CDC42SE2: variants seen among roughly 807,000 people sequenced by gnomAD.
CDC42SE2 encodes CDC42 small effector 2.
CDC42SE2 carries 3 observed loss-of-function variants against 11.5 expected under a neutral mutation model. The observed-to-expected ratio is 0.26, with a 90% CI of 0.12 to 0.67. CDC42SE2 has a LOEUF of 0.67. Ranked by LOEUF, CDC42SE2 falls within the 30% of genes least tolerant of loss-of-function variation. The pLI is 0.80. For synonymous variants in CDC42SE2, 33 were observed against 34.8 expected (o/e 0.95, Z 0.18); for missense variants, 82 against 106.8 (o/e 0.77, Z 1.02).
At chr5:131,389,731 T>C (rs1750591888) in intron 4 of CDC42SE2, among the ~76,000 whole-genome samples, 1 of 152,204 alleles carries the variant, frequency 6.6e-6, no homozygotes, top group East Asian at 1.9e-4. Context: ...AGGTGACTGA[T>C]AAATAGATGA....
chr5:131,271,136 C>T (rs865788230), intron 1 of CDC42SE2, among the ~76,000 whole-genome samples: 10 of 152,158 alleles, frequency 6.6e-5, no homozygotes, highest in Non-Finnish European at 8.8e-5. Context: ...CCAATTTAGC[C>T]TTCCAGTTTC....
intron 3 of CDC42SE2, among the ~76,000 whole-genome samples, chr5:131,376,663 C>T (rs897215383): frequency 1.3e-5 from 2 of 152,168 alleles, no homozygotes; most frequent in South Asian, 4.1e-4. Flanking sequence ...CCTCTACTCT[C>T]AGATGGGTCC....
intron 3 of CDC42SE2, among the ~76,000 whole-genome samples, chr5:131,361,995 A>T (rs770685911): frequency 6.6e-6 from 1 of 152,064 alleles, no homozygotes; most frequent in Non-Finnish European, 1.5e-5. Context: ...GGGTTTTTAT[A>T]GGCCCAGGAT....
chr5:131,317,609 CTG>C (rs886450683), intron 2 of CDC42SE2, among the ~76,000 whole-genome samples: 1 of 151,028 alleles, frequency 6.6e-6, no homozygotes, highest in African/African-American at 2.4e-5. Flanking sequence ...TTTTAAAGCT[CTG>C]TGAAACAAAT....
chr5:131,247,598 G>A (rs1032374023), intron 1 of CDC42SE2, among the ~76,000 whole-genome samples: 1 of 151,958 alleles, frequency 6.6e-6, no homozygotes, highest in Non-Finnish European at 1.5e-5. Flanking sequence ...CACCCTTGAT[G>A]ACGCAGCAAG....
At chr5:131,300,359 A>G (rs1757653869) in intron 1 of CDC42SE2, among the ~76,000 whole-genome samples, 3 of 152,166 alleles carry the variant, frequency 2.0e-5, no homozygotes, top group Admixed American at 1.3e-4. Context: ...AGAAAATGTC[A>G]CTAAAAAGGG....
chr5:131,307,752 T>C (rs373106981), intron 1 of CDC42SE2, among the ~76,000 whole-genome samples: 15 of 152,294 alleles, frequency 9.8e-5, no homozygotes, highest in Admixed American at 3.9e-4. Context: ...TTTTAATGAT[T>C]ACCATTCTAA....
intron 3 of CDC42SE2, among the ~76,000 whole-genome samples, chr5:131,379,805 G>A (rs975456746): frequency 2.0e-5 from 3 of 152,138 alleles, no homozygotes; most frequent in Admixed American, 1.3e-4. Context: ...CAGGAAACAC[G>A]GTGACTCTGC....
At chr5:131,270,492 A>T (rs912144741) in intron 1 of CDC42SE2, among the ~76,000 whole-genome samples, 1 of 152,256 alleles carries the variant, frequency 6.6e-6, no homozygotes, top group South Asian at 2.1e-4. Context: ...TACATTCAAC[A>T]TTGTGTATGT....
chr5:131,296,761 A>G (rs1421199293), intron 1 of CDC42SE2, among the ~76,000 whole-genome samples: 17 of 152,068 alleles, frequency 1.1e-4, no homozygotes, highest in Admixed American at 1.1e-3. Context: ...GGCAAATTCA[A>G]CCCATAACAG....
At chr5:131,271,485 T>A (rs1358677702) in intron 1 of CDC42SE2, among the ~76,000 whole-genome samples, 1 of 152,202 alleles carries the variant, frequency 6.6e-6, no homozygotes, top group Non-Finnish European at 1.5e-5. Context: ...TAGAGATGAT[T>A]TAAAGTATAC....
At chr5:131,294,903 G>A (rs537294940) in intron 1 of CDC42SE2, among the ~76,000 whole-genome samples, 2 of 151,990 alleles carry the variant, frequency 1.3e-5, no homozygotes, top group East Asian at 1.9e-4. Flanking sequence ...CGAGGTGGGC[G>A]GGTCATGAGG....
chr5:131,348,771 A>G (rs798411), intron 2 of CDC42SE2, among the ~76,000 whole-genome samples: 35,255 of 152,118 alleles, frequency 0.23, 4,468 homozygotes, highest in East Asian at 0.49. Context: ...CCAAAACAGC[A>G]TGGTACTGGT....
intron 1 of CDC42SE2, among the ~76,000 whole-genome samples, chr5:131,289,804 A>C (rs959594004): frequency 9.2e-5 from 14 of 152,126 alleles, no homozygotes; most frequent in African/African-American, 3.1e-4. Flanking sequence ...GAGGTAAGGA[A>C]CATGTTAAAA....
chr5:131,229,780 A>C, the CDC42SE2 span, among the ~76,000 whole-genome samples: 1 of 152,160 alleles, frequency 6.6e-6, no homozygotes, highest in East Asian at 1.9e-4. Flanking sequence ...TTAAGAATAC[A>C]AAAATTAGCC....
At chr5:131,370,003 A>G (rs1749971720) in intron 3 of CDC42SE2, among the ~76,000 whole-genome samples, 1 of 152,216 alleles carries the variant, frequency 6.6e-6, no homozygotes, top group Non-Finnish European at 1.5e-5. Flanking sequence ...AGTAGCCAAC[A>G]TACATCCATG....
intron 2 of CDC42SE2, among the ~76,000 whole-genome samples, chr5:131,317,391 T>C (rs1758062730): frequency 6.6e-6 from 1 of 152,226 alleles, no homozygotes; most frequent in Non-Finnish European, 1.5e-5. Context: ...GTGATAATTA[T>C]AGGAATGAGG....
At chr5:131,341,485 T>G (rs562061296) in intron 2 of CDC42SE2, among the ~76,000 whole-genome samples, 42 of 152,360 alleles carry the variant, frequency 2.8e-4, no homozygotes, top group African/African-American at 9.4e-4. Context: ...ATTTTCATTC[T>G]GTGTCCCACT....
At chr5:131,297,721 AAAATAAAT>A (rs148423106) in intron 1 of CDC42SE2, among the ~76,000 whole-genome samples, 10 of 151,830 alleles carry the variant, frequency 6.6e-5, no homozygotes, top group African/African-American at 1.9e-4. Context: ...CTCCATTTCA[AAAATAAAT>A]AAATAAATAA....
Sources: gnomAD v4.1 joint callset for allele counts (sites outside exome capture counted in the v4.1 genomes callset) on GRCh38, gnomAD v4.1.1 for gene constraint, MANE v1.5 for transcripts, NCBI Gene and HGNC (gene_info 2026-07-23, HGNC 2026-07-21) for gene names.